ASB7: variants seen among roughly 807,000 people sequenced by gnomAD.
The protein encoded by ASB7 is ankyrin repeat and SOCS box containing 7.
Under a neutral mutation model 32.5 loss-of-function variants are expected in ASB7, and 4 were observed. That is an observed-to-expected ratio of 0.12 (90% confidence interval 0.06 to 0.28). The LOEUF (loss-of-function observed/expected upper bound fraction) is 0.28, where lower values mean the gene tolerates loss of function less well. ASB7 is among the 10% of genes least tolerant of loss of function. ASB7 has a pLI of 1.00. For synonymous variants in ASB7, 172 were observed against 155.6 expected (o/e 1.11, Z -0.78); for missense variants, 181 against 407.1 (o/e 0.44, Z 4.78).
At chr15:100,641,311 ATAAG>A (rs966370090) in intron 5 of ASB7, among the ~76,000 whole-genome samples, 8 of 152,240 alleles carry the variant, frequency 5.3e-5, no homozygotes, top group African/African-American at 1.9e-4. Flanking sequence ...TGACAAAAAA[ATAAG>A]TACTTCTCTT....
intron 5 of ASB7, 97 bp from the exon 6 acceptor site, chr15:100,648,226 A>G: frequency 7.7e-7 from 1 of 1,303,788 alleles, no homozygotes; most frequent in Non-Finnish European, 1.0e-6. Context: ...TCAAGTCCAT[A>G]GAGAGAACTT....
rs1247888531 is a variant in ASB7 at position 100,651,099 on chromosome 15, T to C, written c.*2637T>C. The stretch of plus-strand genomic sequence containing the variant: ...ATTTAAGCCTATTACTAAACCTTTA[T>C]AAAAATATATTTGGCAAATACACCA... On this transcript the variant is annotated 3_prime_UTR_variant, in exon 6 of 6. Transcript: ENST00000332783. 2 of 152,148 alleles carry C rather than the reference T, an allele frequency of 1.3e-5. No individual in the cohort carries two copies. Among genetic ancestry groups the C allele is most frequent in the Non-Finnish European group, 2.9e-5 (2 of 68,024 alleles). The allele number at this position is 152,148 out of a possible 1,614,324, so 9.4% of individuals were successfully genotyped here. A position where few individuals can be genotyped will look rare whatever the true frequency, so the allele number is the denominator to read the frequency against.
chr15:100,630,814 G>A (rs2039877950), intron 5 of ASB7, among the ~76,000 whole-genome samples: 1 of 152,206 alleles, frequency 6.6e-6, no homozygotes, highest in Non-Finnish European at 1.5e-5. Flanking sequence ...CCAGTTGAAT[G>A]TGTGTCTCAT....
At chr15:100,620,035 G>A (rs2039777881) in intron 4 of ASB7, among the ~76,000 whole-genome samples, 1 of 152,174 alleles carries the variant, frequency 6.6e-6, no homozygotes, top group Admixed American at 6.5e-5. Flanking sequence ...GTTTTAAATG[G>A]TTGCATGTGA....
At chr15:100,626,449 G>T (rs991869156) in intron 4 of ASB7, among the ~76,000 whole-genome samples, 2 of 152,180 alleles carry the variant, frequency 1.3e-5, no homozygotes, top group Non-Finnish European at 2.9e-5. Context: ...AATGACTAAT[G>T]ATACCAAGAT....
At position 100,615,730 on chromosome 15, in the gene ASB7, G is replaced by A. The variant is rs561732234; in HGVS notation, c.211+3303G>A. On this transcript the variant is annotated intron_variant, in intron 4 of 5. Coordinates refer to ENST00000332783, the MANE Select transcript of ASB7 (RefSeq NM_198243.3). Reference sequence around the variant, plus strand: ...TGCATGTAGGCAGAAATATTTTTCCGTTTTCTACCTTGTAGCCAGCTCCCT... The same window carrying A: ...TGCATGTAGGCAGAAATATTTTTCCATTTTCTACCTTGTAGCCAGCTCCCT... Among the ~76,000 whole-genome samples, 112 of 152,206 alleles carry A rather than the reference G, an allele frequency of 7.4e-4. 2 individuals carry two copies. The highest frequency in any genetic ancestry group is 6.8e-3 in the Middle Eastern group (2 of 294).
At chr15:100,648,261 A>G (rs943194795) in intron 5 of ASB7, 62 bp from the exon 6 acceptor site, 4 of 1,483,238 alleles carry the variant, frequency 2.7e-6, no homozygotes, top group Non-Finnish European at 3.6e-6. Flanking sequence ...AGTTCTTTTC[A>G]AAAGTGCCTT....
At chr15:100,634,105 G>C (rs184364696) in intron 5 of ASB7, among the ~76,000 whole-genome samples, 15 of 152,332 alleles carry the variant, frequency 9.8e-5, no homozygotes, top group African/African-American at 3.1e-4. Context: ...CCTCAGTAAA[G>C]CTTGAGGAGT....
intron 3 of ASB7, among the ~76,000 whole-genome samples, chr15:100,610,870 A>G (rs59065565): frequency 0.38 from 58,234 of 152,102 alleles, 11,560 homozygotes; most frequent in African/African-American, 0.48. Flanking sequence ...AGTCTAATCT[A>G]TTCCTTCCAG....
chr15:100,638,669 G>A (rs530859751), intron 5 of ASB7, among the ~76,000 whole-genome samples: 7 of 152,172 alleles, frequency 4.6e-5, no homozygotes, highest in Non-Finnish European at 7.4e-5. Flanking sequence ...GGCTTACTTT[G>A]ACAGAGCATC....
chr15:100,612,175 C>T lies in ASB7; in HGVS notation c.-42C>T, dbSNP rs769720456. 16 of 1,537,784 alleles carry T rather than the reference C, an allele frequency of 1.0e-5. No individual in the cohort carries two copies. Among genetic ancestry groups the T allele is most frequent in the Non-Finnish European group, 1.2e-5 (13 of 1,113,080 alleles). ...CCTTCTCTTCTTAAAGGCTGATCCC[C>T]GTAACCTAATGAATCCTTTGTAAAA... On this transcript the variant is annotated 5_prime_UTR_variant, in exon 4 of 6. Coordinates refer to ENST00000332783, the MANE Select transcript of ASB7 (RefSeq NM_198243.3).
intron 4 of ASB7, among the ~76,000 whole-genome samples, chr15:100,617,535 A>G (rs2039754168): frequency 6.6e-6 from 1 of 152,084 alleles, no homozygotes; most frequent in South Asian, 2.1e-4. Flanking sequence ...TCGTTTTCTC[A>G]GGGAAACCTC....
chr15:100,624,070 A>G (rs2039815873), intron 4 of ASB7, among the ~76,000 whole-genome samples: 1 of 152,202 alleles, frequency 6.6e-6, no homozygotes, highest in Non-Finnish European at 1.5e-5. Context: ...AAAGACAAAT[A>G]TCATGTTCTC....
chr15:100,614,859 T>G (rs569060676), intron 4 of ASB7, among the ~76,000 whole-genome samples: 52 of 152,358 alleles, frequency 3.4e-4, no homozygotes, highest in African/African-American at 1.2e-3. Context: ...GGCTGCAGGT[T>G]GGACAAGCTT....
intron 2 of ASB7, among the ~76,000 whole-genome samples, chr15:100,603,951 T>C (rs1294248296): frequency 6.6e-6 from 1 of 152,232 alleles, no homozygotes; most frequent in Non-Finnish European, 1.5e-5. Context: ...ATTAACTCTT[T>C]GGGCTTTCTG....
intron 5 of ASB7, chr15:100,645,423 C>G (rs2039991099): frequency 3.0e-6 from 1 of 328,822 alleles, no homozygotes; most frequent in African/African-American, 2.1e-5. Context: ...CATTCGAGTT[C>G]ATGCCCCCCG....
intron 5 of ASB7, chr15:100,645,615 C>T: frequency 1.2e-6 from 1 of 828,486 alleles, no homozygotes. Flanking sequence ...TGCTGTGGTT[C>T]ATGGGTAGGA....
At chr15:100,624,294 A>G in intron 4 of ASB7, among the ~76,000 whole-genome samples, 1 of 152,234 alleles carries the variant, frequency 6.6e-6, no homozygotes, top group East Asian at 1.9e-4. Flanking sequence ...AGTAGCTGCA[A>G]GAGAAGACTT....
chr15:100,643,477 C>CTTT (rs1172063471), intron 5 of ASB7, among the ~76,000 whole-genome samples: 25 of 104,374 alleles, frequency 2.4e-4, no homozygotes, highest in South Asian at 3.4e-4. Flanking sequence ...GTCCCTTCTT[C>CTTT]TTTTTTTTTT....
Sources: gnomAD v4.1 joint callset for allele counts (sites outside exome capture counted in the v4.1 genomes callset) on GRCh38, gnomAD v4.1.1 for gene constraint, MANE v1.5 for transcripts, NCBI Gene and HGNC (gene_info 2026-07-23, HGNC 2026-07-21) for gene names.